The following LYN variants were observed in gnomAD, a reference collection of about 807,000 sequenced individuals.
LYN encodes the protein tyrosine-protein kinase Lyn.
Under a neutral mutation model 65.0 loss-of-function variants are expected in LYN, and 12 were observed. The ratio of observed to expected loss-of-function variants is 0.18; its 90% CI spans 0.12 to 0.30. The LOEUF (loss-of-function observed/expected upper bound fraction) is 0.30, where lower values mean the gene tolerates loss of function less well. Ranked by LOEUF, LYN falls within the 10% of genes least tolerant of loss-of-function variation. The pLI is 1.00. For synonymous variants in LYN, 222 were observed against 221.2 expected, an observed-to-expected ratio of 1.00 and a Z score of -0.03; for missense variants, 380 against 623.2, an observed-to-expected ratio of 0.61 and a Z score of 4.16.
intron 2 of LYN, among the ~76,000 whole-genome samples, chr8:55,944,733 G>A (rs933439535): frequency 6.6e-6 from 1 of 152,140 alleles, no homozygotes; most frequent in Admixed American, 6.5e-5. Context: ...CACCCACCTC[G>A]GCCTCTCAAA....
rs543581681 is a variant in LYN at position 56,011,505 on chromosome 8, C to G, written c.*1395C>G. 14 of 196,260 alleles carry G rather than the reference C, an allele frequency of 7.1e-5. No homozygotes were observed. The highest frequency in any genetic ancestry group is 3.0e-4 in the African/African-American group (13 of 43,364). 12.2% of individuals were successfully genotyped at this position (196,260 alleles called of 1,614,324 possible). The stretch of plus-strand genomic sequence containing the variant: ...TACATGCTTTAAACTTGCCCAAGTT[C>G]TACCTCCTTCCTTTGAACATTTCAG... On this transcript the variant is annotated 3_prime_UTR_variant, in exon 13 of 13. Transcript: ENST00000519728.
At chr8:56,004,899 C>T (rs1368422993) in intron 12 of LYN, among the ~76,000 whole-genome samples, 1 of 152,132 alleles carries the variant, frequency 6.6e-6, no homozygotes, top group Non-Finnish European at 1.5e-5. Context: ...ATCCTCTCGC[C>T]TCAGCCTCCT....
intron 8 of LYN, among the ~76,000 whole-genome samples, chr8:55,961,143 A>G (rs892654459): frequency 4.6e-5 from 7 of 152,192 alleles, no homozygotes; most frequent in Non-Finnish European, 7.3e-5. Flanking sequence ...AATCAACTGC[A>G]TGCATTTTTT....
At chr8:55,930,810 G>A (rs868660165) in intron 1 of LYN, among the ~76,000 whole-genome samples, 2 of 152,062 alleles carry the variant, frequency 1.3e-5, no homozygotes, top group African/African-American at 2.4e-5. Context: ...CTCCTGCTGT[G>A]GCCATCAGCT....
intron 10 of LYN, among the ~76,000 whole-genome samples, chr8:55,984,490 C>A (rs1808019121): frequency 6.6e-6 from 1 of 152,242 alleles, no homozygotes; most frequent in African/African-American, 2.4e-5. Context: ...GATCCCAACA[C>A]TCAAAGTCAT....
Position 55,911,286 on chromosome 8 carries a change from T to TATA in LYN, c.-5-30569_-5-30568insATA, listed in dbSNP as rs1491536693. Among the ~76,000 whole-genome samples, 117 of 18,802 alleles carry TATA rather than the reference T, an allele frequency of 6.2e-3. 16 individuals carry two copies. Among genetic ancestry groups the TATA allele is most frequent in the Non-Finnish European group, 0.01 (93 of 9,168 alleles). The allele number at this position is 18,802 out of a possible 152,430, so 12.3% of individuals were successfully genotyped here. A position where few individuals can be genotyped will look rare whatever the true frequency, so the allele number is the denominator to read the frequency against. Reference sequence around the variant, plus strand: ...ATATATATATATATATATATATATATTTTTTTTTTTTTTTTAGTAGAGACA... The same window carrying TATA: ...ATATATATATATATATATATATATATATATTTTTTTTTTTTTTTAGTAGAGACA... On this transcript the variant is annotated intron_variant, in intron 1 of 12. Coordinates refer to ENST00000519728, the MANE Select transcript of LYN (RefSeq NM_002350.4).
intron 12 of LYN, 32 bp from the exon 13 acceptor site, chr8:56,009,876 G>T (rs1563333223): frequency 6.3e-7 from 1 of 1,595,178 alleles, no homozygotes; most frequent in Non-Finnish European, 8.6e-7. Context: ...AACGGCATGG[G>T]TTTCTGTTCT....
intron 1 of LYN, among the ~76,000 whole-genome samples, chr8:55,892,875 C>T (rs982665654): frequency 3.9e-5 from 6 of 152,124 alleles, no homozygotes; most frequent in African/African-American, 1.4e-4. Context: ...TAGCTGAATG[C>T]AAAGCCTTGT....
rs1310905992 is a variant in LYN at position 56,010,935 on chromosome 8, A to G, written c.*825A>G. ...CTTTTTCATTTCCACAATTTCCTAT[A>G]TCCAGATTTGTTTTGACAATGTAGT... On this transcript the variant is annotated 3_prime_UTR_variant, in exon 13 of 13. Transcript: ENST00000519728. The G allele has an allele frequency of 4.3e-6, 1 of 231,280 alleles. No individual in the cohort carries two copies. The highest frequency in any genetic ancestry group is 8.6e-6 in the Non-Finnish European group (1 of 116,958). 14.3% of individuals were successfully genotyped at this position (231,280 alleles called of 1,614,324 possible).
chr8:55,966,905 C>T lies in LYN; in HGVS notation c.973+8C>T, dbSNP rs1489877366. ...CCGAGTACATGGCCAAGGGTGAGTT[C>T]CTCCCACTGCCCAGAGCTTGCAAGG... On this transcript the variant is annotated splice_region_variant and intron_variant, in intron 9 of 12. Transcript: ENST00000519728. 1 of 1,611,302 alleles carries T rather than the reference C, an allele frequency of 6.2e-7. No homozygotes were observed. Among genetic ancestry groups the T allele is most frequent in the Non-Finnish European group, 8.5e-7 (1 of 1,178,532 alleles).
At chr8:55,915,618 A>G (rs1290110499) in intron 1 of LYN, among the ~76,000 whole-genome samples, 1 of 152,210 alleles carries the variant, frequency 6.6e-6, no homozygotes, top group African/African-American at 2.4e-5. Context: ...AGGCAGGAGA[A>G]TCTCTTGAAC....
intron 1 of LYN, among the ~76,000 whole-genome samples, chr8:55,887,869 C>G (rs967902943): frequency 6.6e-6 from 1 of 152,038 alleles, no homozygotes; most frequent in Non-Finnish European, 1.5e-5. Context: ...CTCAGCCTCC[C>G]GAAATCCGGG....
At chr8:55,918,754 C>G (rs1805851448) in intron 1 of LYN, among the ~76,000 whole-genome samples, 1 of 152,166 alleles carries the variant, frequency 6.6e-6, no homozygotes, top group African/African-American at 2.4e-5. Context: ...CAGTGTATGC[C>G]CACAGTTCTT....
chr8:55,908,989 G>GTGTATATATATA (rs1379592685), intron 1 of LYN, among the ~76,000 whole-genome samples: 4 of 20,392 alleles, frequency 2.0e-4, no homozygotes, highest in East Asian at 3.6e-3. Context: ...CATTGTGTAT[G>GTGTATATATATA]TATATATATA....
chr8:56,007,169 A>C (rs1293732022), intron 12 of LYN, among the ~76,000 whole-genome samples: 2 of 152,238 alleles, frequency 1.3e-5, no homozygotes, highest in Admixed American at 6.5e-5. Context: ...CCAGGAAGGA[A>C]GTGAAAGAGA....
intron 3 of LYN, 97 bp downstream of exon 3, chr8:55,946,590 G>A: frequency 1.3e-6 from 1 of 799,232 alleles, no homozygotes; most frequent in Non-Finnish European, 2.1e-6. Context: ...TTTTTATTGT[G>A]GGACATATAT....
At chr8:55,935,990 G>A (rs1806423672) in intron 1 of LYN, among the ~76,000 whole-genome samples, 1 of 152,092 alleles carries the variant, frequency 6.6e-6, no homozygotes, top group Admixed American at 6.5e-5. Flanking sequence ...TGAAGACTTT[G>A]TTTCTCTAAT....
intron 1 of LYN, among the ~76,000 whole-genome samples, chr8:55,920,362 T>C (rs189611666): frequency 6.6e-5 from 10 of 152,364 alleles, no homozygotes; most frequent in Admixed American, 6.5e-4. Flanking sequence ...ATTTTGTTTG[T>C]GCAGAATGTC....
chr8:55,888,556 T>G (rs1481966252), intron 1 of LYN, among the ~76,000 whole-genome samples: 1 of 152,198 alleles, frequency 6.6e-6, no homozygotes, highest in Non-Finnish European at 1.5e-5. Context: ...GGTGGAGAGT[T>G]GAATGACTCA....
Sources: allele counts gnomAD v4.1 joint callset (sites outside exome capture counted in the v4.1 genomes callset), GRCh38; gene constraint gnomAD v4.1.1; transcripts MANE v1.5; gene names NCBI Gene and HGNC (gene_info 2026-07-23, HGNC 2026-07-21).